TBC1D1: variants seen among roughly 807,000 people sequenced by gnomAD.
TBC1D1 encodes the protein TBC1 domain family member 1, also known as TBC1 (tre-2/USP6, BUB2, cdc16) domain family, member 1.
In TBC1D1, 89 loss-of-function variants were observed where a neutral mutation model predicts 125.6. That is an observed-to-expected ratio of 0.71 (90% CI 0.60 to 0.85). The LOEUF is 0.85. Among genes scored for constraint, TBC1D1 ranks in the 40% least tolerant of loss-of-function variants. The probability of loss-of-function intolerance (pLI) is 0.00; values close to 1 mark genes in which losing one functional copy is unlikely to be tolerated. For missense variants in TBC1D1, 1,377 were observed against 1,469.2 expected (o/e 0.94, Z 1.03); for synonymous variants, 565 against 564.1 (o/e 1.00, Z -0.02).
At position 38,131,064 on chromosome 4, in the gene TBC1D1, T is replaced by G. The variant is rs574121286; in HGVS notation, c.3133-2020T>G. Among the ~76,000 whole-genome samples the G allele has an allele frequency of 7.9e-5, 12 of 152,274 alleles. No homozygotes were observed. In the South Asian group the frequency reaches 2.5e-3, roughly 32 times the overall value. ...TTTGGGGTAAATTCAGGGGCATAAC[T>G]GCAGAATGAAGGGCCTAGGAGTCTT... On this transcript the variant is annotated intron_variant, in intron 18 of 19. Coordinates refer to ENST00000261439, the MANE Select transcript of TBC1D1 (RefSeq NM_015173.4).
chr4:37,994,360 G>GCT (rs2152393479), intron 2 of TBC1D1, among the ~76,000 whole-genome samples: 1 of 152,190 alleles, frequency 6.6e-6, no homozygotes, highest in South Asian at 2.1e-4. Flanking sequence ...CACAGTCTTG[G>GCT]CTCACTGCAG....
intron 2 of TBC1D1, among the ~76,000 whole-genome samples, chr4:37,962,438 T>C (rs569945486): frequency 6.6e-6 from 1 of 152,228 alleles, no homozygotes; most frequent in Non-Finnish European, 1.5e-5. Context: ...GCTTCCTCTG[T>C]TTAATGGATA....
At chr4:38,124,880 G>A in intron 17 of TBC1D1, 82 bp from the exon 20 acceptor site, 4 of 1,221,196 alleles carry the variant, frequency 3.3e-6, no homozygotes, top group Non-Finnish European at 4.8e-6. Context: ...CTCCTGCTCT[G>A]TGATGTGTGG....
chr4:37,910,471 TG>T (rs1392276429), intron 2 of TBC1D1, among the ~76,000 whole-genome samples: 1 of 152,230 alleles, frequency 6.6e-6, no homozygotes, highest in Non-Finnish European at 1.5e-5. Context: ...TTGGGTATAT[TG>T]GGTTAAATAA....
chr4:37,963,724 A>G (rs1262004566), intron 2 of TBC1D1, among the ~76,000 whole-genome samples: 1 of 152,226 alleles, frequency 6.6e-6, no homozygotes, highest in Non-Finnish European at 1.5e-5. Context: ...TAGTAATTAC[A>G]TGGGTGTCTC....
chr4:37,918,610 G>C (rs1720226032), intron 2 of TBC1D1, among the ~76,000 whole-genome samples: 1 of 152,078 alleles, frequency 6.6e-6, no homozygotes, highest in Non-Finnish European at 1.5e-5. Context: ...ACCACGCCTG[G>C]CTAATTTTTC....
intron 8 of TBC1D1, among the ~76,000 whole-genome samples, chr4:38,037,200 C>G (rs1747379983): frequency 6.6e-6 from 1 of 151,896 alleles, no homozygotes; most frequent in Admixed American, 6.6e-5. Context: ...GACCTAACTG[C>G]AGACTCATTT....
In TBC1D1 at chr4:38,115,957, A is replaced by G. The variant is rs961280938; in HGVS notation, c.2802+3A>G. The G allele has an allele frequency of 4.3e-6, 7 of 1,613,610 alleles. No homozygotes were observed. The South Asian group carries it at 5.5e-5, about 13-fold the overall frequency. ...GGCCAGACATGATTATTTTACAGGT[A>G]TAGAGTGTTCCTTATGTCTTTAATA... On this transcript the variant is annotated splice_donor_region_variant and intron_variant, in intron 16 of 19. Transcript: ENST00000261439.
chr4:38,049,342 C>T (rs893742830), intron 10 of TBC1D1, among the ~76,000 whole-genome samples: 2 of 152,142 alleles, frequency 1.3e-5, no homozygotes, highest in Non-Finnish European at 2.9e-5. Flanking sequence ...CTATTCATGG[C>T]GTTGTTCAGA....
At chr4:37,967,541 A>G (rs951267422) in intron 2 of TBC1D1, among the ~76,000 whole-genome samples, 8 of 151,958 alleles carry the variant, frequency 5.3e-5, no homozygotes, top group Non-Finnish European at 1.5e-5. Flanking sequence ...AGAAGTGGGA[A>G]ATTATCCTAA....
At chr4:37,950,556 AGCCACCTGCCCCCTCCCCTCCC>A (rs1727616058) in intron 2 of TBC1D1, among the ~76,000 whole-genome samples, 2 of 150,382 alleles carry the variant, frequency 1.3e-5, no homozygotes, top group African/African-American at 4.9e-5. Context: ...CTACAGATAT[AGCCACCTGCCCCCTCCCCTCCC>A]GCCCCCTACA....
chr4:38,000,306 A>G lies in TBC1D1; in HGVS notation c.418-14203A>G, dbSNP rs529727068. On this transcript the variant is annotated intron_variant, in intron 2 of 19. Coordinates refer to ENST00000261439, the MANE Select transcript of TBC1D1 (RefSeq NM_015173.4). ...TATTTTCACTAACCAGTAACTGAAA[A>G]TCTAATATTTTCTTTGATTTTGAAT... Among the ~76,000 whole-genome samples, 164 of 148,288 alleles carry G rather than the reference A, an allele frequency of 1.1e-3. 1 individual carries two copies. The highest frequency in any genetic ancestry group is 4.1e-3 in the African/African-American group (156 of 38,468).
intron 1 of TBC1D1, among the ~76,000 whole-genome samples, chr4:37,894,220 C>T (rs972478007): frequency 1.3e-5 from 2 of 152,108 alleles, no homozygotes; most frequent in Non-Finnish European, 2.9e-5. Flanking sequence ...AACTCCCGAC[C>T]TTGTGATCCA....
intron 2 of TBC1D1, among the ~76,000 whole-genome samples, chr4:37,914,314 C>T (rs542852313): frequency 6.6e-6 from 1 of 152,208 alleles, no homozygotes; most frequent in African/African-American, 2.4e-5. Context: ...TAAAGTAGAA[C>T]CCTTGATTCC....
At chr4:38,039,143 A>G (rs1747844652) in intron 8 of TBC1D1, among the ~76,000 whole-genome samples, 1 of 78,920 alleles carries the variant, frequency 1.3e-5, no homozygotes, top group Non-Finnish European at 2.3e-5. Context: ...TTTGAGACAG[A>G]GTCTCACTCT....
intron 2 of TBC1D1, among the ~76,000 whole-genome samples, chr4:38,004,441 ATT>A (rs1353417575): frequency 6.6e-6 from 1 of 152,212 alleles, no homozygotes; most frequent in Non-Finnish European, 1.5e-5. Flanking sequence ...CTCGTCACAC[ATT>A]TACCAAAATG....
At position 38,049,699 on chromosome 4, in the gene TBC1D1, A is replaced by G; in HGVS notation, c.1711A>G (p.Ser571Gly). 1.2e-6 allele frequency: 2 copies of G among 1,614,172 alleles called. No homozygotes were observed. The highest frequency in any genetic ancestry group is 1.7e-6 in the Non-Finnish European group (2 of 1,180,024). The change falls in exon 11 of 20, where the codon AGT (serine) becomes GGT (glycine). Residue 571 changes from serine to glycine, a missense_variant. Transcript: ENST00000261439. The stretch of plus-strand genomic sequence containing the variant: ...CCTCGGCTCCTCGGAGGACCTGTCC[A>G]GTGACTCGGAGAGTCATCTCCCAGA...
At chr4:37,981,178 A>C (rs1466012835) in intron 2 of TBC1D1, among the ~76,000 whole-genome samples, 1 of 152,136 alleles carries the variant, frequency 6.6e-6, no homozygotes, top group Non-Finnish European at 1.5e-5. Flanking sequence ...CCTGACCTCA[A>C]GTGATCTGCC....
chr4:37,987,920 T>G (rs1023944883), intron 2 of TBC1D1, among the ~76,000 whole-genome samples: 19 of 152,252 alleles, frequency 1.2e-4, no homozygotes, highest in African/African-American at 4.6e-4. Context: ...GCATAGACTC[T>G]CCAGAGCATC....
Sources: gnomAD v4.1 joint callset for allele counts (sites outside exome capture counted in the v4.1 genomes callset) on GRCh38, gnomAD v4.1.1 for gene constraint, MANE v1.5 for transcripts, NCBI Gene and HGNC (gene_info 2026-07-23, HGNC 2026-07-21) for gene names.